The following HIVEP2 variants were observed in gnomAD, a reference collection of about 807,000 sequenced individuals.
HIVEP2 encodes the protein transcription factor HIVEP2.
In HIVEP2, 14 loss-of-function variants were observed where a neutral mutation model predicts 180.7. That is an observed-to-expected ratio of 0.08 (90% CI 0.05 to 0.12). HIVEP2 has a LOEUF of 0.12. Ranked by LOEUF, HIVEP2 falls within the 10% of genes least tolerant of loss-of-function variation. HIVEP2 has a pLI of 1.00. For missense variants in HIVEP2, 2,579 were observed against 3,008.5 expected, an observed-to-expected ratio of 0.86 and a Z score of 3.34; for synonymous variants, 1,184 against 1,136.4, an observed-to-expected ratio of 1.04 and a Z score of -0.84.
At chr6:142,928,275 T>C (rs965048169) in intron 1 of HIVEP2, among the ~76,000 whole-genome samples, 9 of 152,182 alleles carry the variant, frequency 5.9e-5, no homozygotes, top group African/African-American at 2.2e-4. Flanking sequence ...TAAACATATG[T>C]TTAGGGTTTT....
chr6:142,936,036 C>T (rs1778046158), intron 1 of HIVEP2, among the ~76,000 whole-genome samples: 1 of 151,700 alleles, frequency 6.6e-6, no homozygotes, highest in South Asian at 2.1e-4. Flanking sequence ...CATTTGAGCC[C>T]AGGAGGTCGA....
intron 3 of HIVEP2, among the ~76,000 whole-genome samples, chr6:142,781,086 A>G (rs1448077721): frequency 6.6e-6 from 1 of 152,216 alleles, no homozygotes; most frequent in Admixed American, 6.5e-5. Flanking sequence ...CTGCAATTTT[A>G]GTTTAATTTC....
Position 142,860,228 on chromosome 6 carries a change from T to C in HIVEP2, c.-640-23181A>G, listed in dbSNP as rs1360266445. Among the ~76,000 whole-genome samples the C allele has an allele frequency of 2.0e-5, 3 of 152,208 alleles. No homozygotes were observed. The East Asian group carries it at 5.8e-4, about 29-fold the overall frequency. On this transcript the variant is annotated intron_variant, in intron 1 of 9. Transcript: ENST00000367603. Reference sequence around the variant, plus strand: ...TTCATGTTAAGAAGAACCCAGGTGATAAAAACTTAAATGAACTCCTGATGA... The same window carrying C: ...TTCATGTTAAGAAGAACCCAGGTGACAAAAACTTAAATGAACTCCTGATGA...
At chr6:142,761,724 A>T (rs968247072) in intron 7 of HIVEP2, among the ~76,000 whole-genome samples, 159 bp from the exon 8 acceptor site, 44 of 152,214 alleles carry the variant, frequency 2.9e-4, no homozygotes, top group African/African-American at 9.9e-4. Flanking sequence ...CAACCTTAAG[A>T]AGAATAATCT....
intron 1 of HIVEP2, among the ~76,000 whole-genome samples, chr6:142,869,185 T>C (rs1434875070): frequency 2.0e-5 from 3 of 152,150 alleles, no homozygotes; most frequent in Admixed American, 2.0e-4. Context: ...AAGAATTATC[T>C]GGAACCAAAT....
intron 9 of HIVEP2, 22 bp from the exon 10 acceptor site, chr6:142,753,953 G>A (rs760031339): frequency 4.4e-6 from 6 of 1,356,118 alleles, no homozygotes; most frequent in East Asian, 2.3e-5. Context: ...AACAAAGAGA[G>A]CACAAAATTC....
rs771502787 is a variant in HIVEP2, at chr6:142,771,571, C to A, written c.3168G>T (p.Leu1056=). The change falls in exon 5 of 10, where the codon CTG becomes CTT. Residue 1056 remains leucine, a synonymous_variant. Transcript: ENST00000367603. The surrounding 1 kb of genome is among the most constrained non-coding windows in gnomAD (Gnocchi z 5.4). ...CTGCTCCCGACACAGGAGCATGGGA[C>A]AGATTCCCATAATCAAATGATTTGC... ...VRSKSFDYGN[L]SHAPVSGAAA... is the part of the protein sequence containing the mutation. 9.3e-6 allele frequency: 15 copies of A among 1,613,948 alleles called. No individual in the cohort carries two copies. The Middle Eastern group carries it at 4.9e-4, about 53-fold the overall frequency.
chr6:142,826,611 A>G (rs1562253440), intron 2 of HIVEP2, among the ~76,000 whole-genome samples: 1 of 152,248 alleles, frequency 6.6e-6, no homozygotes, highest in Non-Finnish European at 1.5e-5. Flanking sequence ...TGTAATAGGT[A>G]AAGCCTGATA....
At chr6:142,854,224 G>T (rs1264132008) in intron 1 of HIVEP2, among the ~76,000 whole-genome samples, 1 of 152,146 alleles carries the variant, frequency 6.6e-6, no homozygotes, top group Non-Finnish European at 1.5e-5. Flanking sequence ...CTTTCTGGTT[G>T]CCAAGACTGG....
chr6:142,926,868 C>T lies in HIVEP2; in HGVS notation c.-641+18231G>A, dbSNP rs117695610. ...GGGCGCGGCGAGCCCCACTTTCTCC[C>T]GGCAGGAAGGGGGGAGGCCGAGAGC... On this transcript the variant is annotated intron_variant, in intron 1 of 9. Coordinates refer to ENST00000367603, the MANE Select transcript of HIVEP2 (RefSeq NM_006734.4). Among the ~76,000 whole-genome samples the T allele has an allele frequency of 8.4e-3, 1,273 of 152,088 alleles. 83 individuals carry two copies. The East Asian group carries it at 0.17, about 20-fold the overall frequency.
intron 1 of HIVEP2, among the ~76,000 whole-genome samples, chr6:142,898,344 C>T (rs1350406957): frequency 6.6e-6 from 1 of 152,124 alleles, no homozygotes; most frequent in Non-Finnish European, 1.5e-5. Context: ...CCACACATGA[C>T]CACAGATACA....
chr6:142,774,900 A>G lies in HIVEP2; in HGVS notation c.-162T>C. The G allele has an allele frequency of 2.0e-6, 3 of 1,484,222 alleles. No individual in the cohort carries two copies. Among genetic ancestry groups the G allele is most frequent in the Non-Finnish European group, 2.7e-6 (3 of 1,125,972 alleles). The allele number at this position is 1,484,222 out of a possible 1,614,324, so 91.9% of individuals were successfully genotyped here. A position where few individuals can be genotyped will look rare whatever the true frequency, so the allele number is the denominator to read the frequency against. ...CTTTGGAACCTTCCACACGCACACCACAGTCGATGGGCATTAGCTAGTAAT... is the reference window on the plus strand; with the variant it reads ...CTTTGGAACCTTCCACACGCACACCGCAGTCGATGGGCATTAGCTAGTAAT... On this transcript the variant is annotated 5_prime_UTR_variant, in exon 5 of 10. Coordinates refer to ENST00000367603, the MANE Select transcript of HIVEP2 (RefSeq NM_006734.4). The surrounding 1 kb of genome is among the most constrained non-coding windows in gnomAD (Gnocchi z 5.1).
intron 2 of HIVEP2, among the ~76,000 whole-genome samples, chr6:142,801,361 A>C (rs1289960894): frequency 4.0e-5 from 6 of 148,968 alleles, no homozygotes; most frequent in Non-Finnish European, 8.9e-5. Flanking sequence ...GTGAGCTGAG[A>C]TGAGATTGTG....
At chr6:142,921,504 C>CA (rs149560278) in intron 1 of HIVEP2, among the ~76,000 whole-genome samples, 14,159 of 152,280 alleles carry the variant, frequency 0.093, 948 homozygotes, top group South Asian at 0.13. Flanking sequence ...CACTGCACTC[C>CA]AGCCTTGGTC....
chr6:142,905,223 C>A (rs1224823574), intron 1 of HIVEP2, among the ~76,000 whole-genome samples: 1 of 152,096 alleles, frequency 6.6e-6, no homozygotes, highest in Non-Finnish European at 1.5e-5. Flanking sequence ...TAAACTATTA[C>A]CAGATAACTT....
rs1177716870 is a variant in HIVEP2, at chr6:142,899,070, CAT to C, written c.-641+46027_-641+46028del. On this transcript the variant is annotated intron_variant, in intron 1 of 9. Coordinates refer to ENST00000367603, the MANE Select transcript of HIVEP2 (RefSeq NM_006734.4). ...TCTTGCCTGCAGGACAGAGTTCAAACATAGCAGCATGGCATACCCTCCTTGAC... is the reference window on the plus strand; with the variant it reads ...TCTTGCCTGCAGGACAGAGTTCAAACAGCAGCATGGCATACCCTCCTTGAC... Among the ~76,000 whole-genome samples the C allele has an allele frequency of 3.3e-5, 5 of 152,158 alleles. No homozygotes were observed. In the East Asian group the frequency reaches 9.6e-4, roughly 29 times the overall value.
Position 142,773,974 on chromosome 6 carries a change from T to C in HIVEP2, c.765A>G (p.Val255=). The C allele has an allele frequency of 2.5e-6, 4 of 1,614,212 alleles. No individual in the cohort carries two copies. Among genetic ancestry groups the C allele is most frequent in the Non-Finnish European group, 2.5e-6 (3 of 1,180,032 alleles). The change falls in exon 5 of 10, where the codon GTA becomes GTG. Residue 255 remains valine (V), a synonymous_variant. Coordinates refer to ENST00000367603, the MANE Select transcript of HIVEP2 (RefSeq NM_006734.4). The part of the protein sequence containing the change: ...AGLVPFTESA[V]SKLDLEAGFI... ...AACCAGCCTCTAGGTCCAATTTAGA[T>C]ACAGCTGACTCTGTGAAAGGTACTA...
chr6:142,767,653 A>G (rs1775408697), intron 6 of HIVEP2, among the ~76,000 whole-genome samples: 1 of 152,248 alleles, frequency 6.6e-6, no homozygotes, highest in Admixed American at 6.5e-5. Context: ...TTTTCCTTCT[A>G]TGTGACTGGA....
chr6:142,940,540 A>G (rs1778151076), intron 1 of HIVEP2, among the ~76,000 whole-genome samples: 1 of 152,210 alleles, frequency 6.6e-6, no homozygotes, highest in Admixed American at 6.5e-5. Context: ...CAGTCCTCAC[A>G]TATGTCAGGT....
Sources: gnomAD v4.1 joint callset for allele counts (sites outside exome capture counted in the v4.1 genomes callset) on GRCh38, gnomAD v4.1.1 for gene constraint, Gnocchi (gnomAD v3.1) non-coding constraint, MANE v1.5 for transcripts, NCBI Gene and HGNC (gene_info 2026-07-23, HGNC 2026-07-21) for gene names.